PCDHA6: variants seen among roughly 807,000 people sequenced by gnomAD.
PCDHA6 encodes protocadherin alpha 6, also known as protocadherin alpha-6.
In PCDHA6, 55 loss-of-function variants were observed where a neutral mutation model predicts 60.3. The observed-to-expected ratio is 0.91, with a 90% CI of 0.73 to 1.14. The LOEUF (loss-of-function observed/expected upper bound fraction) is 1.14. PCDHA6 is among the 50% of genes most tolerant of loss of function. The pLI, the probability that PCDHA6 is intolerant of heterozygous loss-of-function variation, is 0.00. For synonymous variants in PCDHA6, 652 were observed against 557.9 expected (o/e 1.17, Z -2.38); for missense variants, 1,327 against 1,256.5 (o/e 1.06, Z -0.85).
At chr5:140,987,232 A>G (rs1554248942) in intron 3 of PCDHA6, among the ~76,000 whole-genome samples, 1 of 151,894 alleles carries the variant, frequency 6.6e-6, no homozygotes, top group African/African-American at 2.4e-5. Flanking sequence ...AAAAAATAAT[A>G]AATAAAGAAA....
At chr5:140,966,374 C>A in intron 1 of PCDHA6, 1 of 405,174 alleles carries the variant, frequency 2.5e-6, no homozygotes, top group South Asian at 1.3e-4. Flanking sequence ...GCTGAGCAGT[C>A]CGGGTTCGCT....
intron 2 of PCDHA6, among the ~76,000 whole-genome samples, chr5:140,979,807 A>G (rs376087021): frequency 1.3e-4 from 20 of 152,376 alleles, no homozygotes; most frequent in African/African-American, 4.1e-4. Flanking sequence ...CACAACTATC[A>G]AAAGGATTTA....
At chr5:140,924,812 T>G (rs947021976) in intron 1 of PCDHA6, among the ~76,000 whole-genome samples, 2 of 151,424 alleles carry the variant, frequency 1.3e-5, no homozygotes, top group African/African-American at 4.9e-5. Flanking sequence ...AGAGAATCGC[T>G]TGAACCTGGG....
At chr5:140,851,412 A>G in intron 1 of PCDHA6, 2 of 962,264 alleles carry the variant, frequency 2.1e-6, no homozygotes, top group East Asian at 1.1e-4. Context: ...TAAGAAAGAA[A>G]CTTCCCCTAA....
At chr5:140,843,392 G>A in intron 1 of PCDHA6, 1 of 1,596,106 alleles carries the variant, frequency 6.3e-7, no homozygotes, top group Non-Finnish European at 8.6e-7. Flanking sequence ...GGGTCCGGAA[G>A]CGGCGCTGGT....
chr5:140,846,501 A>G (rs1780515725), intron 1 of PCDHA6, among the ~76,000 whole-genome samples: 1 of 146,172 alleles, frequency 6.8e-6, no homozygotes. Flanking sequence ...CAGCCTCCCA[A>G]GTAGCTGGGA....
At position 140,991,361 on chromosome 5, in the gene PCDHA6, G is replaced by A. The variant is rs1183124741; in HGVS notation, c.2542+8798G>A. On this transcript the variant is annotated intron_variant, in intron 3 of 3. Transcript: ENST00000529310. ...GGTAACTTGGAAAAGACTATTTACT[G>A]TCTGAGTTCTAGGCCAACTGTAGGG... Among the ~76,000 whole-genome samples, 3 of 152,200 alleles carry A rather than the reference G, an allele frequency of 2.0e-5. No individual in the cohort carries two copies. In the East Asian group the frequency reaches 5.8e-4, roughly 29 times the overall value.
At chr5:140,968,923 T>C in intron 1 of PCDHA6, 1 of 1,614,212 alleles carries the variant, frequency 6.2e-7, no homozygotes, top group Non-Finnish European at 8.5e-7. Flanking sequence ...CTTTTATATT[T>C]CTTTTGACAA....
chr5:140,892,596 T>C (rs143701120), intron 1 of PCDHA6, among the ~76,000 whole-genome samples: 79 of 152,254 alleles, frequency 5.2e-4, no homozygotes, highest in African/African-American at 1.4e-3. Flanking sequence ...CATTCACCTA[T>C]TTTTTTCCTT....
chr5:140,840,088 T>G (rs1346401195), intron 1 of PCDHA6, among the ~76,000 whole-genome samples: 2 of 152,012 alleles, frequency 1.3e-5, no homozygotes, highest in African/African-American at 2.4e-5. Context: ...ATAAACTTGT[T>G]GAAGATTTTA....
intron 1 of PCDHA6, among the ~76,000 whole-genome samples, chr5:140,972,578 C>A (rs1554234223): frequency 6.6e-6 from 1 of 151,798 alleles, no homozygotes; most frequent in Non-Finnish European, 1.5e-5. Flanking sequence ...GGCAATAGGG[C>A]AGAATTTCTC....
intron 3 of PCDHA6, among the ~76,000 whole-genome samples, chr5:140,990,314 CCAAA>C (rs2097387288): frequency 6.6e-6 from 1 of 152,212 alleles, no homozygotes; most frequent in Non-Finnish European, 1.5e-5. Context: ...AAAAAACCAA[CCAAA>C]CAAACTTTAA....
At chr5:140,897,032 T>C (rs2065847458) in intron 1 of PCDHA6, among the ~76,000 whole-genome samples, 2 of 152,146 alleles carry the variant, frequency 1.3e-5, no homozygotes, top group Non-Finnish European at 2.9e-5. Flanking sequence ...ATTTAGACCA[T>C]AGTCACCCTA....
intron 1 of PCDHA6, chr5:140,858,285 G>A (rs782182754): frequency 1.3e-6 from 2 of 1,597,520 alleles, no homozygotes; most frequent in Non-Finnish European, 8.6e-7. Flanking sequence ...GTGGGGAGCT[G>A]GTCTTACTCG....
At chr5:140,837,516 C>CGT (rs149634951) in intron 1 of PCDHA6, among the ~76,000 whole-genome samples, 1 of 151,568 alleles carries the variant, frequency 6.6e-6, no homozygotes. Flanking sequence ...AAGCAGTTTA[C>CGT]TTTTTTTGTA....
intron 1 of PCDHA6, among the ~76,000 whole-genome samples, chr5:140,937,756 C>CA (rs2091723973): frequency 1.3e-5 from 2 of 151,360 alleles, no homozygotes; most frequent in African/African-American, 4.9e-5. Flanking sequence ...ACTAAAAATA[C>CA]AAAAAATTAG....
Position 140,828,582 on chromosome 5 carries a change from C to T in PCDHA6, c.491C>T (p.Ser164Leu). The change falls in exon 1 of 4, where the codon TCA (serine) becomes TTA (leucine). Residue 164 changes from serine (S) to leucine (L), a missense_variant. Coordinates refer to ENST00000529310, the MANE Select transcript of PCDHA6 (RefSeq NM_018909.4). ...LEGASDADVG[S>L]NSILTYKLSS... ...GGCGCGTCCGATGCAGATGTTGGCT[C>T]AAATTCCATCTTAACCTATAAACTC... 6.2e-7 allele frequency: 1 copy of T among 1,614,224 alleles called. No individual in the cohort carries two copies. The highest frequency in any genetic ancestry group is 1.1e-5 in the South Asian group (1 of 91,086).
intron 1 of PCDHA6, among the ~76,000 whole-genome samples, chr5:140,943,423 T>C (rs782562871): frequency 5.3e-5 from 8 of 152,080 alleles, no homozygotes; most frequent in Non-Finnish European, 7.4e-5. Context: ...GGCAAGGGCT[T>C]TAATATGATA....
At chr5:140,836,946 C>T (rs2150271412) in intron 1 of PCDHA6, 6 of 445,876 alleles carry the variant, frequency 1.3e-5, no homozygotes, top group Admixed American at 4.0e-5. Flanking sequence ...AGATCAAAAT[C>T]TATGGTTTAT....
Sources: allele counts gnomAD v4.1 joint callset (sites outside exome capture counted in the v4.1 genomes callset), GRCh38; gene constraint gnomAD v4.1.1; transcripts MANE v1.5; gene names NCBI Gene and HGNC (gene_info 2026-07-23, HGNC 2026-07-21).